Variants in RPS6KA6 observed in about 807,000 individuals in gnomAD.
RPS6KA6 encodes ribosomal protein S6 kinase A6, also known as ribosomal protein S6 kinase alpha-6.
In RPS6KA6, 27 loss-of-function variants were observed where a neutral mutation model predicts 65.4. The ratio of observed to expected loss-of-function variants is 0.41; its 90% CI spans 0.30 to 0.57. The LOEUF (loss-of-function observed/expected upper bound fraction) is 0.57, where lower values mean the gene tolerates loss of function less well. RPS6KA6 is among the 20% of genes least tolerant of loss of function. The pLI, the probability that RPS6KA6 is intolerant of heterozygous loss-of-function variation, is 0.24. For missense variants in RPS6KA6, 486 were observed against 555.6 expected (o/e 0.87, Z 1.26); for synonymous variants, 190 against 184.2 (o/e 1.03, Z -0.26).
intron 1 of RPS6KA6, among the ~76,000 whole-genome samples, chrX:84,165,914 T>A (rs1007287726): frequency 1.8e-5 from 2 of 111,365 alleles, no homozygotes; most frequent in Non-Finnish European, 3.8e-5. Context: ...AAAGGGCCCA[T>A]GGGAATTGAA....
At chrX:84,094,378 C>T (rs2034109693) in intron 20 of RPS6KA6, among the ~76,000 whole-genome samples, 1 of 108,327 alleles carries the variant, frequency 9.2e-6, no homozygotes, top group Non-Finnish European at 1.9e-5. Context: ...TGTGGTGGCT[C>T]ACGCCTGTAA....
chrX:84,087,801 TGGA>T (rs2033958457), intron 20 of RPS6KA6, among the ~76,000 whole-genome samples: 1 of 111,995 alleles, frequency 8.9e-6, no homozygotes, highest in Admixed American at 9.5e-5. Context: ...CCCAATCAGT[TGGA>T]GGCTTGGTCT....
Position 84,077,236 on chromosome X carries a change from G to A in RPS6KA6, c.1972-12125C>T, listed in dbSNP as rs751067666. Among the ~76,000 whole-genome samples the A allele has an allele frequency of 2.7e-5, 3 of 111,160 alleles. No homozygotes were observed. In the East Asian group the frequency reaches 8.5e-4, roughly 31 times the overall value. ...CAGGCTTCTTTTTCTGATAGAAATT[G>A]AGAAGCTGATTATAAAATTCATATG... On this transcript the variant is annotated intron_variant, in intron 20 of 21. Coordinates refer to ENST00000262752, the MANE Select transcript of RPS6KA6 (RefSeq NM_014496.5).
At chrX:84,074,226 T>C (rs1402571626) in intron 20 of RPS6KA6, among the ~76,000 whole-genome samples, 1 of 111,887 alleles carries the variant, frequency 8.9e-6, no homozygotes, top group Non-Finnish European at 1.9e-5. Context: ...TAGATAAACC[T>C]GGAAGACATT....
At chrX:84,086,705 C>T (rs1441658357) in intron 20 of RPS6KA6, among the ~76,000 whole-genome samples, 1 of 110,825 alleles carries the variant, frequency 9.0e-6, no homozygotes, top group Non-Finnish European at 1.9e-5. Context: ...TCTTCAAGTC[C>T]TGAAGGTTTT....
intron 20 of RPS6KA6, among the ~76,000 whole-genome samples, chrX:84,089,468 C>T (rs766170389): frequency 2.7e-5 from 3 of 111,547 alleles, no homozygotes; most frequent in African/African-American, 9.8e-5. Context: ...GGGTCTTCTG[C>T]CTTGCTGGAA....
chrX:84,089,209 G>A (rs749815241), intron 20 of RPS6KA6, among the ~76,000 whole-genome samples: 6 of 111,132 alleles, frequency 5.4e-5, no homozygotes, highest in African/African-American at 1.3e-4. Context: ...ACTCCTCCTC[G>A]TCTGGACTGC....
chrX:84,168,001 T>C (rs1232816281), intron 1 of RPS6KA6, among the ~76,000 whole-genome samples: 6 of 111,663 alleles, frequency 5.4e-5, no homozygotes, highest in African/African-American at 6.5e-5. Flanking sequence ...AAAAATCCCA[T>C]TGAAAACCAG....
At chrX:84,117,282 A>C in intron 10 of RPS6KA6, 102 bp downstream of exon 10, 1 of 643,465 alleles carries the variant, frequency 1.6e-6, no homozygotes, top group East Asian at 3.7e-5. Context: ...CAAGACAGTG[A>C]GAAAAAGGTA....
chrX:84,164,504 A>C, intron 1 of RPS6KA6, 117 bp from the exon 2 acceptor site: 2 of 496,664 alleles, frequency 4.0e-6, no homozygotes, highest in East Asian at 7.4e-5. Context: ...CACTTACTGA[A>C]AAACAAAAGG....
intron 20 of RPS6KA6, among the ~76,000 whole-genome samples, chrX:84,086,137 G>GT (rs1326703359): frequency 1.8e-5 from 2 of 110,680 alleles, no homozygotes; most frequent in Non-Finnish European, 3.8e-5. Flanking sequence ...CTTTTTGAGG[G>GT]TTTTTTGTGT....
intron 16 of RPS6KA6, among the ~76,000 whole-genome samples, 160 bp from the exon 17 acceptor site, chrX:84,104,817 C>T (rs1232130863): frequency 1.8e-5 from 2 of 110,484 alleles, no homozygotes; most frequent in Non-Finnish European, 3.8e-5. Context: ...ACAGGCTGTA[C>T]TAAAGGTTGA....
intron 8 of RPS6KA6, among the ~76,000 whole-genome samples, chrX:84,132,836 T>C (rs1245322778): frequency 9.1e-6 from 1 of 109,557 alleles, no homozygotes. Flanking sequence ...CTATAGTCCA[T>C]TGTAATTTCA....
At chrX:84,094,376 C>A (rs1238898904) in intron 20 of RPS6KA6, among the ~76,000 whole-genome samples, 2 of 108,158 alleles carry the variant, frequency 1.8e-5, no homozygotes, top group Admixed American at 2.0e-4. Flanking sequence ...GGTGTGGTGG[C>A]TCACGCCTGT....
At chrX:84,122,843 G>A (rs2034704734) in intron 8 of RPS6KA6, among the ~76,000 whole-genome samples, 1 of 111,833 alleles carries the variant, frequency 8.9e-6, no homozygotes, top group Admixed American at 9.4e-5. Flanking sequence ...AGGGTGGCAT[G>A]TGACCTAGGG....
chrX:84,139,530 C>T (rs1372553317), intron 6 of RPS6KA6, among the ~76,000 whole-genome samples: 1 of 111,814 alleles, frequency 8.9e-6, no homozygotes, highest in Admixed American at 9.5e-5. Flanking sequence ...AAGCCAGAGA[C>T]CTTAGCCACT....
At chrX:84,145,115 T>C (rs754733815) in intron 6 of RPS6KA6, among the ~76,000 whole-genome samples, 1 of 111,168 alleles carries the variant, frequency 9.0e-6, no homozygotes, top group African/African-American at 3.3e-5. Flanking sequence ...TAAAAACTTA[T>C]GAAATTGTAT....
intron 8 of RPS6KA6, among the ~76,000 whole-genome samples, chrX:84,125,714 T>C (rs1328919927): frequency 1.8e-5 from 2 of 110,077 alleles, no homozygotes; most frequent in Admixed American, 1.9e-4. Flanking sequence ...ATTAGCCAGG[T>C]GTGGTGGCAG....
chrX:84,156,244 T>C, intron 2 of RPS6KA6, 53 bp from the exon 3 acceptor site: 1 of 650,571 alleles, frequency 1.5e-6, no homozygotes, highest in South Asian at 2.5e-5. Context: ...ATCTTCTGAT[T>C]AGTTCCATTT....
Sources: gnomAD v4.1 joint callset for allele counts (sites outside exome capture counted in the v4.1 genomes callset) on GRCh38, gnomAD v4.1.1 for gene constraint, MANE v1.5 for transcripts, NCBI Gene and HGNC (gene_info 2026-07-23, HGNC 2026-07-21) for gene names.